Variants in SIPA1L3 observed in about 807,000 individuals in gnomAD.
SIPA1L3 encodes signal-induced proliferation-associated 1-like protein 3.
Under a neutral mutation model 150.1 loss-of-function variants are expected in SIPA1L3, and 59 were observed. The ratio of observed to expected loss-of-function variants is 0.39; its 90% CI spans 0.32 to 0.49. SIPA1L3 has a LOEUF of 0.49. SIPA1L3 is among the 20% of genes least tolerant of loss of function. SIPA1L3 has a pLI of 0.86. For synonymous variants in SIPA1L3, 1,070 were observed against 1,077.6 expected, an observed-to-expected ratio of 0.99 and a Z score of 0.14; for missense variants, 2,211 against 2,489.5, an observed-to-expected ratio of 0.89 and a Z score of 2.38.
In SIPA1L3 at chr19:38,046,041, T is replaced by G. The variant is rs1599949382; in HGVS notation, c.-311+16885T>G. 6.6e-6 allele frequency among the ~76,000 whole-genome samples: 1 copy of G among 152,114 alleles called. No individual in the cohort carries two copies. Among genetic ancestry groups the G allele is most frequent in the Admixed American group, 6.6e-5 (1 of 15,254 alleles). On this transcript the variant is annotated intron_variant, in intron 2 of 21. Coordinates refer to ENST00000222345, the MANE Select transcript of SIPA1L3 (RefSeq NM_015073.3). This position sits in a 1 kb window ranked among gnomAD's most constrained non-coding sequence, Gnocchi z 5.6. ...CCTCCCCCAGGACAGTTTGTACCGCTCCAGGGTCACGTCAGAGACTCCAGA... is the reference window on the plus strand; with the variant it reads ...CCTCCCCCAGGACAGTTTGTACCGCGCCAGGGTCACGTCAGAGACTCCAGA...
At chr19:37,986,671 C>T (rs1198095646) in intron 1 of SIPA1L3, among the ~76,000 whole-genome samples, 3 of 152,200 alleles carry the variant, frequency 2.0e-5, no homozygotes, top group Non-Finnish European at 2.9e-5. Flanking sequence ...CCTGGCTGCA[C>T]GAACCCTATT....
intron 9 of SIPA1L3, among the ~76,000 whole-genome samples, chr19:38,120,870 C>T (rs143554769): frequency 1.1e-3 from 170 of 152,346 alleles, no homozygotes; most frequent in African/African-American, 3.7e-3. Context: ...TTTGGCAGAA[C>T]GCCGTGCCAT....
chr19:38,109,490 G>T (rs1413401432), intron 7 of SIPA1L3: 1 of 152,228 alleles, frequency 6.6e-6, no homozygotes, highest in Non-Finnish European at 1.5e-5. Context: ...GAGGGTGAGA[G>T]TCCCATAGGG....
At chr19:38,000,493 A>G (rs1967756683) in intron 1 of SIPA1L3, among the ~76,000 whole-genome samples, 1 of 150,818 alleles carries the variant, frequency 6.6e-6, no homozygotes, top group African/African-American at 2.4e-5. Context: ...AAAAAAAAAA[A>G]AAAAAGAACC....
At chr19:38,168,855 G>C (rs1000797680) in intron 15 of SIPA1L3, among the ~76,000 whole-genome samples, 11 of 152,206 alleles carry the variant, frequency 7.2e-5, no homozygotes, top group African/African-American at 2.7e-4. Context: ...ATTCTTATCT[G>C]CTCATTAAAG....
chr19:37,952,273 C>T (rs2046771310), intron 1 of SIPA1L3, among the ~76,000 whole-genome samples: 1 of 152,122 alleles, frequency 6.6e-6, no homozygotes, highest in Non-Finnish European at 1.5e-5. Context: ...AAACATTGGC[C>T]CTTTTTCCCC....
intron 3 of SIPA1L3, among the ~76,000 whole-genome samples, chr19:38,084,937 G>C (rs972740424): frequency 6.6e-6 from 1 of 151,970 alleles, no homozygotes; most frequent in Non-Finnish European, 1.5e-5. Flanking sequence ...ACCATGCCCA[G>C]CTCACAGCAA....
intron 2 of SIPA1L3, among the ~76,000 whole-genome samples, chr19:38,033,878 G>GGCAAACAATTA (rs1283429287): frequency 2.0e-5 from 3 of 152,114 alleles, no homozygotes; most frequent in African/African-American, 7.2e-5. Context: ...ATGGGTGTGC[G>GGCAAACAATTA]CCTTGAGCCA....
intron 1 of SIPA1L3, among the ~76,000 whole-genome samples, chr19:37,936,071 T>C (rs755896660): frequency 4.6e-5 from 7 of 152,136 alleles, no homozygotes; most frequent in Non-Finnish European, 1.0e-4. Flanking sequence ...CTGATATCCT[T>C]GTGATGGGCA....
At position 38,188,492 on chromosome 19, in the gene SIPA1L3, A is replaced by G. The variant is rs190600672; in HGVS notation, c.4431-3653A>G. Among the ~76,000 whole-genome samples the G allele has an allele frequency of 9.5e-4, 144 of 152,114 alleles. 1 individual carries two copies. The East Asian group carries it at 0.027, about 29-fold the overall frequency. ...AACCACCATGCCAGGCCCAAAATTT[A>G]GACAACAGAGGCAACTCAGAGATGA... On this transcript the variant is annotated intron_variant, in intron 16 of 21. Coordinates refer to ENST00000222345, the MANE Select transcript of SIPA1L3 (RefSeq NM_015073.3).
intron 1 of SIPA1L3, among the ~76,000 whole-genome samples, chr19:37,924,759 T>C (rs12608883): frequency 0.38 from 57,613 of 151,670 alleles, 13,786 homozygotes; most frequent in East Asian, 0.7. Context: ...TGTTATGTAC[T>C]GTACATGGGC....
chr19:38,112,081 C>A (rs1970772300), intron 8 of SIPA1L3, among the ~76,000 whole-genome samples: 1 of 111,222 alleles, frequency 9.0e-6, no homozygotes, highest in Non-Finnish European at 1.7e-5. Context: ...CACCATGCGT[C>A]CGCACATGCA....
intron 16 of SIPA1L3, among the ~76,000 whole-genome samples, chr19:38,190,907 T>G (rs1972791170): frequency 6.6e-6 from 1 of 152,220 alleles, no homozygotes; most frequent in Non-Finnish European, 1.5e-5. Flanking sequence ...CATACGTGTT[T>G]CCTGCCATCT....
intron 21 of SIPA1L3, among the ~76,000 whole-genome samples, chr19:38,204,755 G>C (rs887429538): frequency 6.6e-6 from 1 of 151,750 alleles, no homozygotes; most frequent in Non-Finnish European, 1.5e-5. Flanking sequence ...AACAGAGCGA[G>C]ACTCCATCTC....
At chr19:37,915,810 C>T (rs1160686182) in intron 1 of SIPA1L3, among the ~76,000 whole-genome samples, 1 of 152,150 alleles carries the variant, frequency 6.6e-6, no homozygotes, top group Non-Finnish European at 1.5e-5. Context: ...GACCTGTGTG[C>T]ACTTTGATTT....
Position 38,088,860 on chromosome 19 carries a change from C to T in SIPA1L3, c.1665+9C>T. ...TCTTCCGGACCCGCGAGGTAGGTCC[C>T]ATCACTCTCGTTCTTATTAAAGAAA... On this transcript the variant is annotated intron_variant, in intron 4 of 21. Coordinates refer to ENST00000222345, the MANE Select transcript of SIPA1L3 (RefSeq NM_015073.3). 6.2e-7 allele frequency: 1 copy of T among 1,613,282 alleles called. No homozygotes were observed.
chr19:38,179,035 T>C (rs946634203), intron 15 of SIPA1L3, among the ~76,000 whole-genome samples: 1 of 152,240 alleles, frequency 6.6e-6, no homozygotes, highest in African/African-American at 2.4e-5. Context: ...TTAAATGTAA[T>C]TATTACTGCT....
At chr19:38,181,771 G>A (rs1050385301) in intron 15 of SIPA1L3, among the ~76,000 whole-genome samples, 4 of 150,968 alleles carry the variant, frequency 2.6e-5, no homozygotes, top group Admixed American at 2.0e-4. Context: ...GCTTGAACCC[G>A]AGAGACTGAG....
chr19:37,939,789 A>G (rs1184092177), intron 1 of SIPA1L3, among the ~76,000 whole-genome samples: 1 of 152,236 alleles, frequency 6.6e-6, no homozygotes, highest in South Asian at 2.1e-4. Flanking sequence ...GCTAAAATTT[A>G]GATTTGATTG....
Sources: gnomAD v4.1 joint callset for allele counts (sites outside exome capture counted in the v4.1 genomes callset) on GRCh38, gnomAD v4.1.1 for gene constraint, Gnocchi (gnomAD v3.1) non-coding constraint, MANE v1.5 for transcripts, NCBI Gene and HGNC (gene_info 2026-07-23, HGNC 2026-07-21) for gene names.